NSUN3: variants seen among roughly 807,000 people sequenced by gnomAD.
NSUN3 encodes NOP2/Sun RNA methyltransferase 3, also known as tRNA (cytosine(34)-C(5))-methyltransferase, mitochondrial.
NSUN3 carries 24 observed loss-of-function variants against 36.8 expected under a neutral mutation model. That is an observed-to-expected ratio of 0.65 (90% CI 0.47 to 0.92). The LOEUF (loss-of-function observed/expected upper bound fraction) is 0.92, where lower values mean the gene tolerates loss of function less well. Ranked by LOEUF, NSUN3 falls within the 40% of genes least tolerant of loss-of-function variation. NSUN3 has a pLI of 0.00. For missense variants in NSUN3, 381 were observed against 392.8 expected (o/e 0.97, Z 0.25); for synonymous variants, 146 against 145.2 (o/e 1.01, Z -0.04).
At chr3:94,086,618 T>G (rs2077293850) in intron 3 of NSUN3, among the ~76,000 whole-genome samples, 1 of 152,206 alleles carries the variant, frequency 6.6e-6, no homozygotes, top group Non-Finnish European at 1.5e-5. Flanking sequence ...GTACTAGGCA[T>G]TGGTACAAAT....
intron 5 of NSUN3, among the ~76,000 whole-genome samples, chr3:94,097,818 C>G (rs1281155153): frequency 1.3e-5 from 2 of 152,106 alleles, no homozygotes; most frequent in African/African-American, 4.8e-5. Flanking sequence ...ATCAGCTCAT[C>G]CCACAAATTT....
intron 5 of NSUN3, among the ~76,000 whole-genome samples, chr3:94,122,555 C>T (rs1421597742): frequency 1.3e-5 from 2 of 152,208 alleles, no homozygotes; most frequent in African/African-American, 2.4e-5. Flanking sequence ...CTCAGTTTCT[C>T]TCTGTCGGCT....
At chr3:94,097,777 CCTT>C (rs2077349358) in intron 5 of NSUN3, among the ~76,000 whole-genome samples, 1 of 152,044 alleles carries the variant, frequency 6.6e-6, no homozygotes, top group African/African-American at 2.4e-5. Context: ...CTCAGTTATG[CCTT>C]CTTCATATAT....
rs1294675604 is a variant in NSUN3 at position 94,128,733 on chromosome 3, TGCA to T, written c.*2244_*2246del. 1.3e-5 allele frequency among the ~76,000 whole-genome samples: 2 copies of T among 152,056 alleles called. No individual in the cohort carries two copies. The highest frequency in any genetic ancestry group is 4.8e-5 in the African/African-American group (2 of 41,422). On this transcript the variant is annotated 3_prime_UTR_variant, in exon 6 of 6. Transcript: ENST00000314622. ...CAACTTACAGGATGGGAGAAATATT[TGCA>T]AATTATGCATCTGCCAAAGGTCTAA...
chr3:94,084,455 T>C lies in NSUN3; in HGVS notation c.466+5T>C, dbSNP rs775345586. On this transcript the variant is annotated splice_donor_5th_base_variant and intron_variant, in intron 3 of 5. Transcript: ENST00000314622. ...TGCTGCAGTGTGCTTGTCCAGGTAG[T>C]GTGCTTTCCTTTCAGTATTTGACAA... is the stretch of plus-strand genomic sequence containing the variant. 3.1e-6 allele frequency: 5 copies of C among 1,595,798 alleles called. No individual in the cohort carries two copies. Among genetic ancestry groups the C allele is most frequent in the Non-Finnish European group, 4.3e-6 (5 of 1,170,174 alleles).
Position 94,095,173 on chromosome 3 carries a change from A to G in NSUN3, c.743+19A>G. On this transcript the variant is annotated intron_variant, in intron 5 of 5. Coordinates refer to ENST00000314622, the MANE Select transcript of NSUN3 (RefSeq NM_022072.5). ...TGTTAAGGTAAGGACTGTTAATACA[A>G]AAGTGTATTTTGGTGTCTGATGTAA... is the stretch of plus-strand genomic sequence containing the variant. 5 of 1,610,048 alleles carry G rather than the reference A, an allele frequency of 3.1e-6. No homozygotes were observed. The highest frequency in any genetic ancestry group is 4.2e-6 in the Non-Finnish European group (5 of 1,177,076).
At chr3:94,082,563 G>T (rs1359628032) in intron 2 of NSUN3, among the ~76,000 whole-genome samples, 1 of 152,132 alleles carries the variant, frequency 6.6e-6, no homozygotes, top group African/African-American at 2.4e-5. Flanking sequence ...GCTTCCAGTC[G>T]CAGGTGTTAC....
intron 3 of NSUN3, among the ~76,000 whole-genome samples, chr3:94,092,770 A>G (rs183303074): frequency 6.6e-5 from 10 of 151,858 alleles, no homozygotes; most frequent in African/African-American, 2.4e-4. Context: ...AAATACAAAA[A>G]TTAGCCAGAC....
At chr3:94,070,596 T>A (rs903658051) in intron 2 of NSUN3, among the ~76,000 whole-genome samples, 2 of 152,214 alleles carry the variant, frequency 1.3e-5, no homozygotes, top group Non-Finnish European at 2.9e-5. Flanking sequence ...TCAACTTTCA[T>A]GTATTCTCTT....
Position 94,129,204 on chromosome 3 carries a change from T to G in NSUN3, c.*2714T>G, listed in dbSNP as rs1022540146. On this transcript the variant is annotated 3_prime_UTR_variant, in exon 6 of 6. Transcript: ENST00000314622. ...CTACAAAAAAAGACATAAACGCTTG[T>G]GTGTTCATCACAGTAATATTTACAA... Among the ~76,000 whole-genome samples, 9 of 152,204 alleles carry G rather than the reference T, an allele frequency of 5.9e-5. No homozygotes were observed. The highest frequency in any genetic ancestry group is 2.6e-4 in the Admixed American group (4 of 15,282).
chr3:94,067,235 A>C (rs966005372), intron 2 of NSUN3, among the ~76,000 whole-genome samples: 2 of 152,226 alleles, frequency 1.3e-5, no homozygotes, highest in African/African-American at 4.8e-5. Context: ...TACTGCCAGC[A>C]AAAGTTGACC....
intron 5 of NSUN3, among the ~76,000 whole-genome samples, chr3:94,115,660 G>A (rs1013772765): frequency 6.6e-5 from 10 of 152,114 alleles, no homozygotes; most frequent in South Asian, 2.1e-4. Flanking sequence ...CTCTCGTTTC[G>A]GTCAAAAGAT....
rs1300704009 is a variant in NSUN3, at chr3:94,128,243, G to A, written c.*1753G>A. On this transcript the variant is annotated 3_prime_UTR_variant, in exon 6 of 6. Coordinates refer to ENST00000314622, the MANE Select transcript of NSUN3 (RefSeq NM_022072.5). ...CCGTAGCAAAAAAATAATAATAATA[G>A]TAATTAAATAAAAATAAAGTAACGC... is the stretch of plus-strand genomic sequence containing the variant. The A allele has an allele frequency of 6.6e-6, 1 of 151,812 alleles. No homozygotes were observed. Among genetic ancestry groups the A allele is most frequent in the Non-Finnish European group, 1.5e-5 (1 of 67,970 alleles). 9.4% of individuals were successfully genotyped at this position (151,812 alleles called of 1,614,324 possible).
chr3:94,120,385 A>T (rs534298447), intron 5 of NSUN3, among the ~76,000 whole-genome samples: 39 of 152,314 alleles, frequency 2.6e-4, no homozygotes, highest in African/African-American at 9.1e-4. Context: ...TCATCTTTCA[A>T]AACTGAAAGT....
Position 94,063,200 on chromosome 3 carries a change from G to A in NSUN3, c.12+62G>A, listed in dbSNP as rs567203072. 2.6e-5 allele frequency: 41 copies of A among 1,562,316 alleles called. No homozygotes were observed. The South Asian group carries it at 4.2e-4, about 16-fold the overall frequency. ...ATGAGACGCTTCTGGACGCGGCCGA[G>A]GTGGCGAGGGAGGGTGCTGGGATGG... On this transcript the variant is annotated intron_variant, in intron 1 of 5. Coordinates refer to ENST00000314622, the MANE Select transcript of NSUN3 (RefSeq NM_022072.5).
At chr3:94,069,811 C>T (rs2107235469) in intron 2 of NSUN3, among the ~76,000 whole-genome samples, 1 of 152,260 alleles carries the variant, frequency 6.6e-6, no homozygotes, top group South Asian at 2.1e-4. Flanking sequence ...GCCCCAGGCA[C>T]TTAGCCAAGG....
At chr3:94,064,030 G>A (rs551766116) in intron 1 of NSUN3, 22 of 160,766 alleles carry the variant, frequency 1.4e-4, no homozygotes, top group Non-Finnish European at 1.8e-4. Flanking sequence ...TGTATTTTTA[G>A]TAGAGACGGG....
intron 3 of NSUN3, chr3:94,084,862 T>C (rs2077285427): frequency 6.3e-6 from 1 of 159,520 alleles, no homozygotes; most frequent in Admixed American, 6.1e-5. Flanking sequence ...AGGCAATTCT[T>C]TCCAGTAGAA....
intron 5 of NSUN3, among the ~76,000 whole-genome samples, chr3:94,125,417 G>A (rs1231582589): frequency 1.3e-5 from 2 of 152,180 alleles, no homozygotes; most frequent in African/African-American, 2.4e-5. Flanking sequence ...ATGGTAGAAT[G>A]CAGAGATCTT....
Sources: gnomAD v4.1 joint callset for allele counts (sites outside exome capture counted in the v4.1 genomes callset) on GRCh38, gnomAD v4.1.1 for gene constraint, MANE v1.5 for transcripts, NCBI Gene and HGNC (gene_info 2026-07-23, HGNC 2026-07-21) for gene names.